The following COMMD6 variants were observed in gnomAD, a reference collection of about 807,000 sequenced individuals.
COMMD6 encodes COMM domain-containing protein 6.
COMMD6 carries 11 observed loss-of-function variants against 13.4 expected under a neutral mutation model. The ratio of observed to expected loss-of-function variants is 0.82; its 90% CI spans 0.52 to 1.36. The LOEUF is 1.36. Among genes scored for constraint, COMMD6 ranks in the 40% most tolerant of loss-of-function variants. COMMD6 has a pLI of 0.00. For missense variants in COMMD6, 124 were observed against 102.4 expected, an observed-to-expected ratio of 1.21 and a Z score of -0.91; for synonymous variants, 43 against 36.5, an observed-to-expected ratio of 1.18 and a Z score of -0.64.
chr13:75,537,470 G>T, intron 2 of COMMD6, 194 bp downstream of exon 2: 1 of 1,552,216 alleles, frequency 6.4e-7, no homozygotes, highest in Non-Finnish European at 8.7e-7. Flanking sequence ...GTGGGGAAGA[G>T]GAGCTTTCAT....
At chr13:75,527,580 G>A (rs1448475972) in intron 3 of COMMD6, among the ~76,000 whole-genome samples, 1 of 151,858 alleles carries the variant, frequency 6.6e-6, no homozygotes, top group Non-Finnish European at 1.5e-5. Context: ...ATGTTTTTGT[G>A]TATATTTATA....
intron 1 of COMMD6, among the ~76,000 whole-genome samples, chr13:75,545,181 A>T (rs1203633662): frequency 6.6e-6 from 1 of 152,244 alleles, no homozygotes; most frequent in African/African-American, 2.4e-5. Flanking sequence ...AGGAAGCTGG[A>T]CATACTGCTA....
chr13:75,536,350 C>T (rs1037466211), intron 2 of COMMD6, among the ~76,000 whole-genome samples: 2 of 152,208 alleles, frequency 1.3e-5, no homozygotes, highest in African/African-American at 4.8e-5. Flanking sequence ...CTGTGAATGA[C>T]TGCATAGAAG....
chr13:75,546,709 G>A (rs1057307017), intron 1 of COMMD6, among the ~76,000 whole-genome samples: 19 of 152,188 alleles, frequency 1.2e-4, no homozygotes, highest in African/African-American at 3.9e-4. Flanking sequence ...ATGTAAATAA[G>A]TGGCATGACA....
intron 2 of COMMD6, 181 bp downstream of exon 2, chr13:75,537,483 C>G: frequency 6.4e-7 from 1 of 1,553,518 alleles, no homozygotes; most frequent in Non-Finnish European, 8.7e-7. Context: ...GCTTTCATTA[C>G]AATGGCAACG....
intron 3 of COMMD6, among the ~76,000 whole-genome samples, chr13:75,529,543 A>G (rs2030395479): frequency 6.8e-6 from 1 of 147,444 alleles, no homozygotes; most frequent in Admixed American, 6.8e-5. Context: ...AAAAAAAAAA[A>G]AAAAGAAAAC....
Position 75,530,122 on chromosome 13 carries a change from G to C in COMMD6, c.199C>G (p.Gln67Glu). The change falls in exon 3 of 4, where the codon CAG (glutamine) becomes GAG (glutamate). Residue 67 changes from glutamine to glutamate, a missense_variant. Gln to Glu is a conservative substitution (Grantham distance 29). Transcript: ENST00000682242. Reference sequence around the variant, plus strand: ...TGAGTTAAATCACAAACCTGAAACTGTGGAATCGTCATTTCAAAGCACTTG... The same window carrying C: ...TGAGTTAAATCACAAACCTGAAACTCTGGAATCGTCATTTCAAAGCACTTG... ...KTKCFEMTIPQFQNFYRQFKE... is the reference protein window; with the variant it reads ...KTKCFEMTIPEFQNFYRQFKE... 6.2e-7 allele frequency: 1 copy of C among 1,611,636 alleles called. No individual in the cohort carries two copies. The highest frequency in any genetic ancestry group is 2.2e-5 in the East Asian group (1 of 44,804).
chr13:75,530,993 A>G (rs773685979), intron 2 of COMMD6, among the ~76,000 whole-genome samples: 3 of 152,246 alleles, frequency 2.0e-5, no homozygotes, highest in East Asian at 1.9e-4. Context: ...ATTAAGGCAC[A>G]TAACTCTAAA....
At chr13:75,543,699 A>G (rs1160331667), upstream of COMMD6, among the ~76,000 whole-genome samples, 1 of 152,202 alleles carries the variant, frequency 6.6e-6, no homozygotes. Context: ...AGCTATCAAT[A>G]TTTGTCCCAC....
intron 3 of COMMD6, chr13:75,527,931 A>G: frequency 7.3e-7 from 1 of 1,362,844 alleles, no homozygotes; most frequent in Non-Finnish European, 9.6e-7. Flanking sequence ...TCTAATGTAC[A>G]ATATGGTGAC....
intron 1 of COMMD6, among the ~76,000 whole-genome samples, chr13:75,543,908 C>T (rs1271811308): frequency 6.6e-6 from 1 of 152,164 alleles, no homozygotes; most frequent in Non-Finnish European, 1.5e-5. Flanking sequence ...GAATGGTAAG[C>T]AACAGCACCT....
chr13:75,544,215 T>G (rs74094444), intron 1 of COMMD6, among the ~76,000 whole-genome samples: 10,865 of 151,916 alleles, frequency 0.072, 1,293 homozygotes, highest in African/African-American at 0.25. Flanking sequence ...AGTTTTAGAG[T>G]TTAAAGTGGG....
intron 2 of COMMD6, among the ~76,000 whole-genome samples, chr13:75,534,756 C>T (rs1327336690): frequency 3.3e-5 from 5 of 152,068 alleles, no homozygotes; most frequent in Non-Finnish European, 7.4e-5. Flanking sequence ...GGTAAACACA[C>T]AAATTAGCTG....
chr13:75,543,928 G>A (rs1029475419), intron 1 of COMMD6, among the ~76,000 whole-genome samples: 2 of 152,198 alleles, frequency 1.3e-5, no homozygotes, highest in African/African-American at 4.8e-5. Context: ...TAGCTAATAA[G>A]TAAAACTTAA....
chr13:75,541,247 C>T (rs536403659), upstream of COMMD6, among the ~76,000 whole-genome samples: 6 of 152,242 alleles, frequency 3.9e-5, no homozygotes, highest in East Asian at 9.7e-4. Flanking sequence ...AGCAAAGTAG[C>T]AGAAATTATT....
intron 3 of COMMD6, among the ~76,000 whole-genome samples, chr13:75,529,254 C>T (rs2030376637): frequency 6.6e-6 from 1 of 152,194 alleles, no homozygotes; most frequent in African/African-American, 2.4e-5. Flanking sequence ...GGCCCGGTGG[C>T]TCACGCCTGT....
chr13:75,537,873 G>T, upstream of COMMD6: 17 of 1,495,702 alleles, frequency 1.1e-5, no homozygotes, highest in Non-Finnish European at 1.5e-5. Flanking sequence ...CCGCTTCCAC[G>T]TCCTGCCCCT....
chr13:75,538,449 A>T (rs2030759223), upstream of COMMD6, among the ~76,000 whole-genome samples: 1 of 152,154 alleles, frequency 6.6e-6, no homozygotes, highest in Admixed American at 6.5e-5. Context: ...ATTTTGAAAA[A>T]TTTATTTTTT....
chr13:75,527,683 G>A (rs914480000), intron 3 of COMMD6: 3 of 965,734 alleles, frequency 3.1e-6, no homozygotes, highest in Non-Finnish European at 4.0e-6. Context: ...TAAAAAAGAA[G>A]GAAATCCTGC....
Sources: allele counts gnomAD v4.1 joint callset (sites outside exome capture counted in the v4.1 genomes callset), GRCh38; gene constraint gnomAD v4.1.1; transcripts MANE v1.5; gene names NCBI Gene and HGNC (gene_info 2026-07-23, HGNC 2026-07-21).